SMYD3: variants seen among roughly 807,000 people sequenced by gnomAD.
SMYD3 encodes the protein histone-lysine N-methyltransferase SMYD3.
SMYD3 carries 36 observed loss-of-function variants against 57.7 expected under a neutral mutation model. That is an observed-to-expected ratio of 0.62 (90% CI 0.48 to 0.82). The LOEUF (loss-of-function observed/expected upper bound fraction) is 0.82, where lower values mean the gene tolerates loss of function less well. Among genes scored for constraint, SMYD3 ranks in the 40% least tolerant of loss-of-function variants. The pLI, the probability that SMYD3 is intolerant of heterozygous loss-of-function variation, is 0.00. For synonymous variants in SMYD3, 211 were observed against 195.0 expected, an observed-to-expected ratio of 1.08 and a Z score of -0.68; for missense variants, 515 against 538.8, an observed-to-expected ratio of 0.96 and a Z score of 0.44.
At chr1:246,123,791 T>C (rs1325251197) in intron 5 of SMYD3, among the ~76,000 whole-genome samples, 2 of 151,638 alleles carry the variant, frequency 1.3e-5, no homozygotes, top group Non-Finnish European at 2.9e-5. Context: ...AAGGGATGCA[T>C]ACTGTCCATT....
chr1:246,141,430 A>G (rs945312218), intron 5 of SMYD3, among the ~76,000 whole-genome samples: 4 of 152,024 alleles, frequency 2.6e-5, no homozygotes, highest in African/African-American at 4.8e-5. Flanking sequence ...TATCATTTGT[A>G]CGGATATTCA....
chr1:246,006,041 C>T (rs2059162321), intron 5 of SMYD3, among the ~76,000 whole-genome samples: 2 of 114,626 alleles, frequency 1.7e-5, no homozygotes, highest in Admixed American at 9.2e-5. Context: ...GGAGAAAAGG[C>T]GGGATCTTGA....
intron 5 of SMYD3, among the ~76,000 whole-genome samples, chr1:245,942,465 C>A (rs1445406409): frequency 6.6e-6 from 1 of 152,156 alleles, no homozygotes; most frequent in African/African-American, 2.4e-5. Context: ...TACAGGAGCA[C>A]CCAGATTCAT....
chr1:246,145,773 C>T (rs978359041), intron 5 of SMYD3, among the ~76,000 whole-genome samples: 1 of 152,188 alleles, frequency 6.6e-6, no homozygotes, highest in Non-Finnish European at 1.5e-5. Context: ...ATGTAGACTG[C>T]TAAGCATAAT....
chr1:246,058,127 C>T (rs1558189546), intron 5 of SMYD3, among the ~76,000 whole-genome samples: 1 of 152,190 alleles, frequency 6.6e-6, no homozygotes, highest in Non-Finnish European at 1.5e-5. Flanking sequence ...CACAGAGCAC[C>T]TCTGTATAAT....
intron 8 of SMYD3, among the ~76,000 whole-genome samples, chr1:245,914,494 A>G (rs1002893591): frequency 1.3e-5 from 2 of 152,218 alleles, no homozygotes; most frequent in African/African-American, 4.8e-5. Context: ...AGAGGACACT[A>G]TGTTAAGCAA....
chr1:245,993,472 C>T (rs1023611651), intron 5 of SMYD3, among the ~76,000 whole-genome samples: 9 of 151,994 alleles, frequency 5.9e-5, no homozygotes, highest in Non-Finnish European at 1.3e-4. Flanking sequence ...TGGTGGTGCT[C>T]ACCTATAATC....
chr1:245,891,023 A>G (rs1327128248), intron 8 of SMYD3, among the ~76,000 whole-genome samples: 2 of 152,222 alleles, frequency 1.3e-5, no homozygotes, highest in Non-Finnish European at 2.9e-5. Flanking sequence ...AATTAAAAGA[A>G]TTTAACTCAT....
At chr1:246,307,735 A>G (rs1357074544) in intron 5 of SMYD3, among the ~76,000 whole-genome samples, 2 of 152,032 alleles carry the variant, frequency 1.3e-5, no homozygotes. Context: ...GGGGATTCTT[A>G]TCAGGAAGAG....
chr1:246,498,140 T>C (rs888680371), intron 1 of SMYD3, among the ~76,000 whole-genome samples: 4 of 152,314 alleles, frequency 2.6e-5, no homozygotes, highest in African/African-American at 4.8e-5. Flanking sequence ...CAACCCCACA[T>C]AGGTATTTAC....
intron 5 of SMYD3, among the ~76,000 whole-genome samples, chr1:246,216,032 G>A (rs1892213): frequency 0.27 from 40,374 of 151,996 alleles, 6,104 homozygotes; most frequent in East Asian, 0.58. Context: ...GCTCACACTT[G>A]TAATCCCAGC....
At chr1:245,865,287 C>T (rs745602002) in intron 8 of SMYD3, among the ~76,000 whole-genome samples, 1 of 152,084 alleles carries the variant, frequency 6.6e-6, no homozygotes, top group Non-Finnish European at 1.5e-5. Flanking sequence ...AAAGTCTACC[C>T]TGGGTCAGGC....
intron 5 of SMYD3, among the ~76,000 whole-genome samples, chr1:246,084,643 C>T (rs528341959): frequency 2.0e-5 from 3 of 152,116 alleles, no homozygotes; most frequent in African/African-American, 4.8e-5. Flanking sequence ...ATTTATGACA[C>T]GCACTTACTA....
chr1:246,249,417 T>C (rs2063763982), intron 5 of SMYD3, among the ~76,000 whole-genome samples: 1 of 152,092 alleles, frequency 6.6e-6, no homozygotes, highest in Admixed American at 6.6e-5. Flanking sequence ...TTATTGATAC[T>C]CCACACAAAA....
intron 5 of SMYD3, among the ~76,000 whole-genome samples, chr1:246,078,886 T>A (rs1275725625): frequency 6.6e-6 from 1 of 152,250 alleles, no homozygotes; most frequent in African/African-American, 2.4e-5. Context: ...GCACCAAGTA[T>A]CTACCATGGT....
intron 10 of SMYD3, among the ~76,000 whole-genome samples, chr1:245,779,611 T>G (rs886140871): frequency 6.6e-6 from 1 of 152,240 alleles, no homozygotes; most frequent in African/African-American, 2.4e-5. Context: ...GTTCCTTTAG[T>G]CTTGTTCCTA....
chr1:246,465,097 G>T (rs1405965744), intron 1 of SMYD3, among the ~76,000 whole-genome samples: 1 of 152,152 alleles, frequency 6.6e-6, no homozygotes, highest in Non-Finnish European at 1.5e-5. Context: ...AATACAAACT[G>T]CAGGGATAAA....
At chr1:245,871,983 C>T (rs931998894) in intron 8 of SMYD3, among the ~76,000 whole-genome samples, 3 of 152,138 alleles carry the variant, frequency 2.0e-5, no homozygotes, top group Non-Finnish European at 4.4e-5. Flanking sequence ...TTCCCTTTGC[C>T]GGGAAGGCTC....
In SMYD3 at chr1:246,259,813, G is replaced by A. The variant is rs531940456; in HGVS notation, c.531+67388C>T. Among the ~76,000 whole-genome samples, 4 of 152,352 alleles carry A rather than the reference G, an allele frequency of 2.6e-5. No individual in the cohort carries two copies. In the East Asian group the frequency reaches 7.7e-4, roughly 29 times the overall value. On this transcript the variant is annotated intron_variant, in intron 5 of 11. Transcript: ENST00000490107. ...GCACTGACAGAGAATCCAATGGGTG[G>A]CTACCAAGCACCCAGAGGTATGCCT...
Sources: allele counts gnomAD v4.1 joint callset (sites outside exome capture counted in the v4.1 genomes callset), GRCh38; gene constraint gnomAD v4.1.1; transcripts MANE v1.5; gene names NCBI Gene and HGNC (gene_info 2026-07-23, HGNC 2026-07-21).